Variants in RALGAPA2 observed in about 807,000 individuals in gnomAD.
The protein encoded by RALGAPA2 is ral GTPase-activating protein subunit alpha-2.
RALGAPA2 carries 139 observed loss-of-function variants against 230.4 expected under a neutral mutation model. The ratio of observed to expected loss-of-function variants is 0.60; its 90% CI spans 0.53 to 0.69. The LOEUF is 0.69. Ranked by LOEUF, RALGAPA2 falls within the 30% of genes least tolerant of loss-of-function variation. The pLI, the probability that RALGAPA2 is intolerant of heterozygous loss-of-function variation, is 0.00. For missense variants in RALGAPA2, 2,163 were observed against 2,276.0 expected (o/e 0.95, Z 1.01); for synonymous variants, 847 against 837.8 (o/e 1.01, Z -0.19).
intron 7 of RALGAPA2, among the ~76,000 whole-genome samples, chr20:20,639,415 G>A (rs2066958333): frequency 6.6e-6 from 1 of 152,210 alleles, no homozygotes; most frequent in Non-Finnish European, 1.5e-5. Context: ...CTGTGCCAAT[G>A]GCATGAGGAG....
intron 27 of RALGAPA2, among the ~76,000 whole-genome samples, chr20:20,528,349 G>A (rs753849447): frequency 2.6e-5 from 4 of 152,188 alleles, no homozygotes; most frequent in Non-Finnish European, 5.9e-5. Flanking sequence ...ACGGTGGTAT[G>A]AACAGTAATC....
In RALGAPA2 at chr20:20,659,065, C is replaced by T. The variant is rs112824199; in HGVS notation, c.271-5478G>A. Among the ~76,000 whole-genome samples, 562 of 152,140 alleles carry T rather than the reference C, an allele frequency of 3.7e-3. 3 individuals carry two copies. The highest frequency in any genetic ancestry group is 0.013 in the African/African-American group (548 of 41,488). On this transcript the variant is annotated intron_variant, in intron 3 of 39. Transcript: ENST00000202677. ...AGCTCTGGGTAAAGAAAATGCTGAC[C>T]GAGAAGAAAACAGATTTGGTTTAAA... is the stretch of plus-strand genomic sequence containing the variant.
intron 38 of RALGAPA2, among the ~76,000 whole-genome samples, chr20:20,409,586 A>G (rs2060018499): frequency 1.3e-5 from 2 of 152,102 alleles, no homozygotes; most frequent in Non-Finnish European, 2.9e-5. Flanking sequence ...CTTCACCTCA[A>G]TTTCTTAGTT....
Position 20,407,508 on chromosome 20 carries a change from C to T in RALGAPA2, c.5617+4519G>A, listed in dbSNP as rs2059971796. Among the ~76,000 whole-genome samples the T allele has an allele frequency of 2.6e-5, 4 of 152,234 alleles. No individual in the cohort carries two copies. The South Asian group carries it at 8.3e-4, about 32-fold the overall frequency. Reference sequence around the variant, plus strand: ...CATATGGCGCGGAGGCCTTAGCAAGCAAAAGCTGGGTGTAGCCATATCCCT... The same window carrying T: ...CATATGGCGCGGAGGCCTTAGCAAGTAAAAGCTGGGTGTAGCCATATCCCT... On this transcript the variant is annotated intron_variant, in intron 38 of 39. Coordinates refer to ENST00000202677, the MANE Select transcript of RALGAPA2 (RefSeq NM_020343.4).
In RALGAPA2 at chr20:20,637,438, A is replaced by C; in HGVS notation, c.730T>G (p.Leu244Val). 1 of 1,575,864 alleles carries C rather than the reference A, an allele frequency of 6.3e-7. No homozygotes were observed. Among genetic ancestry groups the C allele is most frequent in the African/African-American group, 1.3e-5 (1 of 74,332 alleles). Residue 244 changes from leucine to valine, a missense_variant, in exon 8 of 40, where the codon TTG (leucine) becomes GTG (valine). Physicochemically the swap from Leu to Val is conservative, Grantham distance 32. Coordinates refer to ENST00000202677, the MANE Select transcript of RALGAPA2 (RefSeq NM_020343.4). Reference protein sequence around the residue: ...QDTGFKFLFTLFRKYYLPHLF... With the variant: ...QDTGFKFLFTVFRKYYLPHLF... ...TGAGGAAGATAATACTTTCGAAACA[A>C]TGTAAAAAGAAATTTAAAACCAGTA...
chr20:20,634,515 G>A (rs910491307), intron 9 of RALGAPA2, among the ~76,000 whole-genome samples: 1 of 152,040 alleles, frequency 6.6e-6, no homozygotes, highest in African/African-American at 2.4e-5. Flanking sequence ...CAGTGGAGCC[G>A]CATGCTCTAG....
chr20:20,438,173 C>A (rs1203086303), intron 37 of RALGAPA2, among the ~76,000 whole-genome samples: 1 of 152,204 alleles, frequency 6.6e-6, no homozygotes, highest in African/African-American at 2.4e-5. Flanking sequence ...CACAGTGATA[C>A]TACCTGTGAC....
chr20:20,628,004 A>G (rs2066544408), intron 10 of RALGAPA2, among the ~76,000 whole-genome samples: 1 of 152,232 alleles, frequency 6.6e-6, no homozygotes, highest in African/African-American at 2.4e-5. Flanking sequence ...CATGAAACAG[A>G]GAAGACACAG....
At chr20:20,422,915 T>C (rs1402886991) in intron 37 of RALGAPA2, among the ~76,000 whole-genome samples, 5 of 152,290 alleles carry the variant, frequency 3.3e-5, no homozygotes, top group African/African-American at 1.2e-4. Flanking sequence ...GAGTGGGTCT[T>C]CGTCAGACTG....
chr20:20,650,048 T>G (rs947366939), intron 4 of RALGAPA2, among the ~76,000 whole-genome samples: 1 of 152,210 alleles, frequency 6.6e-6, no homozygotes, highest in African/African-American at 2.4e-5. Flanking sequence ...GCAGAGCTCA[T>G]GAGTATTGTG....
intron 37 of RALGAPA2, among the ~76,000 whole-genome samples, chr20:20,454,541 A>G (rs2061064939): frequency 6.6e-6 from 1 of 152,248 alleles, no homozygotes; most frequent in African/African-American, 2.4e-5. Context: ...CACAGATAAA[A>G]TCAAGATAAC....
At chr20:20,680,926 A>G in intron 1 of RALGAPA2, 125 bp from the exon 2 acceptor site, 2 of 1,424,250 alleles carry the variant, frequency 1.4e-6, no homozygotes, top group Non-Finnish European at 9.2e-7. Context: ...AATACAAAAC[A>G]AAACAGTATT....
chr20:20,669,450 C>A (rs2068062892), intron 3 of RALGAPA2, among the ~76,000 whole-genome samples: 2 of 152,178 alleles, frequency 1.3e-5, no homozygotes, highest in East Asian at 3.8e-4. Context: ...TGCAAACCAA[C>A]CAATCCCAAA....
chr20:20,639,168 TATTACTTCA>T (rs1408053093), intron 7 of RALGAPA2, among the ~76,000 whole-genome samples: 4 of 152,130 alleles, frequency 2.6e-5, no homozygotes, highest in African/African-American at 9.7e-5. Context: ...CAGTAGAGAT[TATTACTTCA>T]ACAACTCGGT....
At chr20:20,600,827 C>T (rs1381485850) in intron 16 of RALGAPA2, among the ~76,000 whole-genome samples, 1 of 152,166 alleles carries the variant, frequency 6.6e-6, no homozygotes, top group Non-Finnish European at 1.5e-5. Flanking sequence ...GTAGGGCGGG[C>T]GCAGTGGCTC....
At chr20:20,467,496 T>G (rs2061444438) in intron 37 of RALGAPA2, among the ~76,000 whole-genome samples, 1 of 152,218 alleles carries the variant, frequency 6.6e-6, no homozygotes, top group Non-Finnish European at 1.5e-5. Flanking sequence ...TTCTTGTGGT[T>G]CTGAGATTAT....
At chr20:20,698,730 T>TCA (rs1603253647) in intron 1 of RALGAPA2, among the ~76,000 whole-genome samples, 1 of 152,210 alleles carries the variant, frequency 6.6e-6, no homozygotes, top group African/African-American at 2.4e-5. Context: ...TATGTGAATT[T>TCA]CACATCAATA....
intron 1 of RALGAPA2, among the ~76,000 whole-genome samples, chr20:20,691,445 G>C (rs1029227679): frequency 6.6e-6 from 1 of 152,034 alleles, no homozygotes; most frequent in Non-Finnish European, 1.5e-5. Flanking sequence ...CCATGTACGG[G>C]ATACAAAGGA....
Position 20,626,892 on chromosome 20 carries a change from G to A in RALGAPA2, c.1233+2471C>T, listed in dbSNP as rs555286706. ...CCTGTGACAGAGACGTACGATCCAC[G>A]AGGCCTAAAATATTTACTAGTTGGC... On this transcript the variant is annotated intron_variant, in intron 10 of 39. Coordinates refer to ENST00000202677, the MANE Select transcript of RALGAPA2 (RefSeq NM_020343.4). 7.2e-5 allele frequency among the ~76,000 whole-genome samples: 11 copies of A among 152,228 alleles called. No homozygotes were observed. In the South Asian group the frequency reaches 1.2e-3, roughly 17 times the overall value.
Sources: gnomAD v4.1 joint callset for allele counts (sites outside exome capture counted in the v4.1 genomes callset) on GRCh38, gnomAD v4.1.1 for gene constraint, MANE v1.5 for transcripts, NCBI Gene and HGNC (gene_info 2026-07-23, HGNC 2026-07-21) for gene names.